Variants in RNLS observed in about 807,000 individuals in gnomAD.
RNLS encodes the protein renalase.
A neutral mutation model predicts 39.8 loss-of-function variants in RNLS; 39 were observed. The ratio of observed to expected loss-of-function variants is 0.98; its 90% CI spans 0.76 to 1.28. The LOEUF is 1.28. Ranked by LOEUF, RNLS falls within the 50% of genes most tolerant of loss-of-function variation. The pLI, the probability that RNLS is intolerant of heterozygous loss-of-function variation, is 0.00. For synonymous variants in RNLS, 147 were observed against 150.7 expected (o/e 0.98, Z 0.18); for missense variants, 410 against 413.3 (o/e 0.99, Z 0.07).
At chr10:88,512,277 GA>G (rs1199232012) in intron 4 of RNLS, among the ~76,000 whole-genome samples, 1 of 152,132 alleles carries the variant, frequency 6.6e-6, no homozygotes, top group Middle Eastern at 3.2e-3. Context: ...TTTTATGTCA[GA>G]AATAAGTCCT....
intron 6 of RNLS, among the ~76,000 whole-genome samples, chr10:88,289,126 C>T (rs1204618053): frequency 2.0e-5 from 3 of 152,094 alleles, no homozygotes; most frequent in Non-Finnish European, 2.9e-5. Context: ...TAAACTTAGG[C>T]GATAACTGGA....
At chr10:88,345,898 A>C (rs1848268868) in intron 5 of RNLS, among the ~76,000 whole-genome samples, 1 of 152,150 alleles carries the variant, frequency 6.6e-6, no homozygotes, top group South Asian at 2.1e-4. Context: ...GTATGAAAAT[A>C]GGTCTGTGTG....
chr10:88,479,244 T>C (rs1362715237), intron 4 of RNLS, among the ~76,000 whole-genome samples: 1 of 152,178 alleles, frequency 6.6e-6, no homozygotes, highest in Non-Finnish European at 1.5e-5. Flanking sequence ...TGGCTTTGCT[T>C]TGAGGCCAAT....
chr10:88,236,180 C>G, the RNLS span, among the ~76,000 whole-genome samples: 1 of 152,102 alleles, frequency 6.6e-6, no homozygotes, highest in Admixed American at 6.5e-5. Context: ...TTAATTGTGT[C>G]AAAGTTCTGG....
chr10:88,485,371 A>C (rs1448473630), intron 4 of RNLS, among the ~76,000 whole-genome samples: 1 of 151,918 alleles, frequency 6.6e-6, no homozygotes, highest in African/African-American at 2.4e-5. Context: ...GAGTCTGTTC[A>C]AAAAGTTGTT....
intron 4 of RNLS, among the ~76,000 whole-genome samples, chr10:88,491,252 C>A (rs1428253650): frequency 1.3e-5 from 2 of 152,148 alleles, no homozygotes; most frequent in Non-Finnish European, 2.9e-5. Context: ...GCAAAACATA[C>A]TGAAGAGAGG....
chr10:88,316,675 C>A (rs1281093139), intron 5 of RNLS, among the ~76,000 whole-genome samples: 1 of 152,116 alleles, frequency 6.6e-6, no homozygotes, highest in Non-Finnish European at 1.5e-5. Flanking sequence ...TGGTGTGATG[C>A]CAGGTTTCTC....
At chr10:88,509,593 G>T (rs1219588194) in intron 4 of RNLS, among the ~76,000 whole-genome samples, 1 of 151,930 alleles carries the variant, frequency 6.6e-6, no homozygotes, top group Non-Finnish European at 1.5e-5. Context: ...TTTTAAAAAT[G>T]CCACAAAATG....
At chr10:88,361,134 A>G (rs1292095601) in intron 5 of RNLS, among the ~76,000 whole-genome samples, 2 of 152,218 alleles carry the variant, frequency 1.3e-5, no homozygotes, top group Non-Finnish European at 2.9e-5. Context: ...CGGGATAGAA[A>G]GAGAGAGCTT....
At chr10:88,279,540 G>A (rs1365912683), downstream of RNLS, among the ~76,000 whole-genome samples, 2 of 151,988 alleles carry the variant, frequency 1.3e-5, no homozygotes, top group African/African-American at 2.4e-5. Flanking sequence ...GGATGTCACC[G>A]ACCCCACCAG....
At chr10:88,263,962 C>T in the RNLS span, among the ~76,000 whole-genome samples, 3 of 152,148 alleles carry the variant, frequency 2.0e-5, no homozygotes, top group Non-Finnish European at 4.4e-5. Flanking sequence ...CCTTTTATCC[C>T]TCACCCACCT....
In RNLS at chr10:88,372,646, C is replaced by T. The variant is rs1466448870; in HGVS notation, c.527-9921G>A. Among the ~76,000 whole-genome samples, 7 of 152,160 alleles carry T rather than the reference C, an allele frequency of 4.6e-5. No individual in the cohort carries two copies. The East Asian group carries it at 1.3e-3, about 29-fold the overall frequency. ...AAGAAAGATTAGTTAACTCAAGCAA[C>T]ATTATTGTAGGCCTACTATGCATCC... On this transcript the variant is annotated intron_variant, in intron 4 of 6. Transcript: ENST00000331772.
chr10:88,439,267 C>G (rs1466508795), intron 4 of RNLS, among the ~76,000 whole-genome samples: 1 of 152,186 alleles, frequency 6.6e-6, no homozygotes, highest in Non-Finnish European at 1.5e-5. Context: ...AACATGTAAT[C>G]TTAAGCTCCA....
chr10:88,570,943 C>T (rs1395997770), intron 4 of RNLS, among the ~76,000 whole-genome samples: 2 of 149,638 alleles, frequency 1.3e-5, no homozygotes, highest in Admixed American at 1.3e-4. Context: ...TAAAATAGTA[C>T]ATCTAATATG....
At position 88,577,991 on chromosome 10, in the gene RNLS, G is replaced by C. The variant is rs1324295346; in HGVS notation, c.367+3576C>G. On this transcript the variant is annotated intron_variant, in intron 3 of 6. Coordinates refer to ENST00000331772, the MANE Select transcript of RNLS (RefSeq NM_001031709.3). ...CACTGGTTGGTCCATCAGATTGTGGGGTTTTAAACTCAACTAGATTCCAAA... is the reference window on the plus strand; with the variant it reads ...CACTGGTTGGTCCATCAGATTGTGGCGTTTTAAACTCAACTAGATTCCAAA... 2.0e-5 allele frequency among the ~76,000 whole-genome samples: 3 copies of C among 151,988 alleles called. No individual in the cohort carries two copies. The South Asian group carries it at 6.2e-4, about 32-fold the overall frequency.
chr10:88,444,008 C>T (rs564985651), intron 4 of RNLS, among the ~76,000 whole-genome samples: 11 of 152,220 alleles, frequency 7.2e-5, no homozygotes, highest in South Asian at 4.1e-4. Context: ...GATGTGAGAA[C>T]GGACAGACTG....
At position 88,477,568 on chromosome 10, in the gene RNLS, G is replaced by A. The variant is rs558832082; in HGVS notation, c.526+95335C>T. Reference sequence around the variant, plus strand: ...ATGATGGTGAAACAAGGATGGCAACGATGACAAGGATGATAGTGATGACAG... The same window carrying A: ...ATGATGGTGAAACAAGGATGGCAACAATGACAAGGATGATAGTGATGACAG... On this transcript the variant is annotated intron_variant, in intron 4 of 6. Coordinates refer to ENST00000331772, the MANE Select transcript of RNLS (RefSeq NM_001031709.3). Among the ~76,000 whole-genome samples the A allele has an allele frequency of 4.6e-5, 7 of 152,278 alleles. No individual in the cohort carries two copies. In the East Asian group the frequency reaches 9.7e-4, roughly 21 times the overall value.
At chr10:88,231,312 G>A in the RNLS span, among the ~76,000 whole-genome samples, 6 of 152,316 alleles carry the variant, frequency 3.9e-5, no homozygotes, top group South Asian at 2.1e-4. Flanking sequence ...AAAAACCCAC[G>A]TGAGGACTCA....
At chr10:88,410,492 T>G (rs1320750346) in intron 4 of RNLS, among the ~76,000 whole-genome samples, 1 of 152,176 alleles carries the variant, frequency 6.6e-6, no homozygotes, top group Non-Finnish European at 1.5e-5. Context: ...CTGTAACAAC[T>G]GTGGTGAAAT....
Sources: allele counts gnomAD v4.1 joint callset (sites outside exome capture counted in the v4.1 genomes callset), GRCh38; gene constraint gnomAD v4.1.1; transcripts MANE v1.5; gene names NCBI Gene and HGNC (gene_info 2026-07-23, HGNC 2026-07-21).